Variants in GLDC observed in about 807,000 individuals in gnomAD.
The protein encoded by GLDC is glycine decarboxylase, also known as glycine dehydrogenase (decarboxylating), mitochondrial.
Under a neutral mutation model 121.3 loss-of-function variants are expected in GLDC, and 104 were observed. That is an observed-to-expected ratio of 0.86 (90% CI 0.73 to 1.01). GLDC has a LOEUF of 1.01. Ranked by LOEUF, GLDC falls within the 50% of genes least tolerant of loss-of-function variation. The probability of loss-of-function intolerance (pLI) is 0.00; values close to 1 mark genes in which losing one functional copy is unlikely to be tolerated. For synonymous variants in GLDC, 546 were observed against 480.6 expected (o/e 1.14, Z -1.78); for missense variants, 1,429 against 1,306.6 (o/e 1.09, Z -1.44).
intron 15 of GLDC, among the ~76,000 whole-genome samples, chr9:6,573,606 TCA>T (rs1263954488): frequency 4.6e-5 from 7 of 152,194 alleles, no homozygotes; most frequent in Middle Eastern, 6.8e-3. Flanking sequence ...AGGAAATACT[TCA>T]CAGTTGCTTG....
intron 2 of GLDC, 193 bp downstream of exon 2, chr9:6,644,421 C>G (rs1163198063): frequency 1.6e-6 from 1 of 639,224 alleles, no homozygotes; most frequent in Non-Finnish European, 2.8e-6. Context: ...TCTCTCCTAA[C>G]ACAAAACTGT....
chr9:6,560,984 G>A (rs537279992), intron 16 of GLDC, among the ~76,000 whole-genome samples: 3 of 152,306 alleles, frequency 2.0e-5, no homozygotes, highest in East Asian at 1.9e-4. Flanking sequence ...CAGGAAGCTC[G>A]AGCCAAGGAA....
At chr9:6,536,415 C>G (rs1194785523) in intron 22 of GLDC, among the ~76,000 whole-genome samples, 179 bp from the exon 23 acceptor site, 1 of 152,146 alleles carries the variant, frequency 6.6e-6, no homozygotes, top group Non-Finnish European at 1.5e-5. Context: ...TAGGAAACAA[C>G]CTAATATCCA....
At chr9:6,539,433 CACAT>C (rs1354383449) in intron 22 of GLDC, among the ~76,000 whole-genome samples, 1 of 152,138 alleles carries the variant, frequency 6.6e-6, no homozygotes, top group East Asian at 1.9e-4. Context: ...GAGCTGAGAT[CACAT>C]CACTGCACTC....
chr9:6,644,451 T>C (rs1357659088), intron 2 of GLDC, 163 bp downstream of exon 2: 1 of 671,560 alleles, frequency 1.5e-6, no homozygotes, highest in Non-Finnish European at 2.7e-6. Context: ...GAACCAAATA[T>C]CCCACCTTCC....
rs386833569 is a variant in GLDC at position 6,534,789 on chromosome 9, C to A, written c.2839-1G>T. On this transcript the variant is annotated splice_acceptor_variant, in intron 23 of 24. Coordinates refer to ENST00000321612, the MANE Select transcript of GLDC (RefSeq NM_000170.3). LOFTEE classifies it high-confidence loss of function. ...CGCAGGTCAGGGAGTGTGGAGACAT[C>A]TGAGACAGAGACACGGACAGAGGAG... is the stretch of plus-strand genomic sequence containing the variant. The A allele has an allele frequency of 6.3e-7, 1 of 1,576,014 alleles. No homozygotes were observed. Among genetic ancestry groups the A allele is most frequent in the African/African-American group, 1.3e-5 (1 of 74,112 alleles).
chr9:6,592,704 C>A, intron 10 of GLDC, 147 bp downstream of exon 10: 1 of 719,522 alleles, frequency 1.4e-6, no homozygotes, highest in South Asian at 1.8e-5. Flanking sequence ...CACAGTGTTG[C>A]ATAATGTAAA....
chr9:6,639,202 C>T (rs1480013538), intron 2 of GLDC: 5 of 872,666 alleles, frequency 5.7e-6, no homozygotes, highest in Non-Finnish European at 7.7e-6. Flanking sequence ...AAAGAGAATG[C>T]TTTAAAGGCC....
At chr9:6,610,637 G>C (rs1019077163) in intron 3 of GLDC, among the ~76,000 whole-genome samples, 2 of 152,112 alleles carry the variant, frequency 1.3e-5, no homozygotes, top group Admixed American at 1.3e-4. Context: ...GTCTCGCTCT[G>C]TCACCCAGGC....
At chr9:6,581,582 C>T (rs372178787) in intron 15 of GLDC, among the ~76,000 whole-genome samples, 2 of 152,214 alleles carry the variant, frequency 1.3e-5, no homozygotes, top group South Asian at 4.1e-4. Context: ...CAAAGGCCTC[C>T]TCTCCAGTCA....
chr9:6,589,150 G>A (rs570694470), intron 12 of GLDC, 45 bp downstream of exon 12: 2 of 1,169,424 alleles, frequency 1.7e-6, no homozygotes, highest in Admixed American at 3.4e-5. Flanking sequence ...CTCCCTAGCT[G>A]ATTACCAAAG....
At chr9:6,602,849 C>G (rs1018869756) in intron 7 of GLDC, among the ~76,000 whole-genome samples, 1 of 152,086 alleles carries the variant, frequency 6.6e-6, no homozygotes, top group Non-Finnish European at 1.5e-5. Flanking sequence ...ACTTGGCTCT[C>G]TGTGGATTCT....
chr9:6,633,183 C>T (rs111728050), intron 2 of GLDC, among the ~76,000 whole-genome samples: 4 of 152,102 alleles, frequency 2.6e-5, no homozygotes, highest in Admixed American at 1.3e-4. Context: ...TAAGAAAGGT[C>T]GAGAATACGA....
intron 11 of GLDC, among the ~76,000 whole-genome samples, chr9:6,589,632 G>A (rs866947877): frequency 1.5e-4 from 23 of 152,090 alleles, no homozygotes; most frequent in Middle Eastern, 6.8e-3. Flanking sequence ...TCACCATGCC[G>A]CCCAGGCTGG....
intron 16 of GLDC, among the ~76,000 whole-genome samples, chr9:6,561,168 G>A (rs1378485917): frequency 6.6e-6 from 1 of 152,174 alleles, no homozygotes; most frequent in East Asian, 1.9e-4. Context: ...CACTAAGCCT[G>A]TAGAAATTTA....
chr9:6,605,432 G>A (rs1818710036), intron 5 of GLDC, 154 bp from the exon 6 acceptor site: 4 of 717,224 alleles, frequency 5.6e-6, no homozygotes, highest in Non-Finnish European at 9.9e-6. Context: ...GCACTTCAGT[G>A]GTAACTACAT....
chr9:6,602,446 G>A (rs1818635524), intron 7 of GLDC, among the ~76,000 whole-genome samples: 1 of 150,240 alleles, frequency 6.7e-6, no homozygotes, highest in Middle Eastern at 3.4e-3. Context: ...GCGTGATCTC[G>A]GCTCACTGCA....
chr9:6,589,947 C>T (rs1298440956), intron 11 of GLDC, among the ~76,000 whole-genome samples: 1 of 151,514 alleles, frequency 6.6e-6, no homozygotes, highest in Non-Finnish European at 1.5e-5. Context: ...CGCAGCTACT[C>T]GGGAGGCTGA....
At chr9:6,561,425 G>T (rs60235743) in intron 16 of GLDC, among the ~76,000 whole-genome samples, 2,558 of 152,212 alleles carry the variant, frequency 0.017, 75 homozygotes, top group African/African-American at 0.059. Flanking sequence ...GAGGCAGGCG[G>T]TTCACTTGAG....
Sources: allele counts gnomAD v4.1 joint callset (sites outside exome capture counted in the v4.1 genomes callset), GRCh38; gene constraint gnomAD v4.1.1; transcripts MANE v1.5; gene names NCBI Gene and HGNC (gene_info 2026-07-23, HGNC 2026-07-21).